Variants in GRAMD1B observed in about 807,000 individuals in gnomAD.
GRAMD1B encodes protein Aster-B.
GRAMD1B carries 37 observed loss-of-function variants against 99.7 expected under a neutral mutation model. The observed-to-expected ratio is 0.37, with a 90% confidence interval of 0.29 to 0.49. The LOEUF (loss-of-function observed/expected upper bound fraction) is 0.49. GRAMD1B is among the 20% of genes least tolerant of loss of function. GRAMD1B has a pLI of 0.98. For synonymous variants in GRAMD1B, 427 were observed against 387.6 expected, an observed-to-expected ratio of 1.10 and a Z score of -1.19; for missense variants, 888 against 1,009.2, an observed-to-expected ratio of 0.88 and a Z score of 1.63.
intron 1 of GRAMD1B, among the ~76,000 whole-genome samples, chr11:123,384,766 C>T (rs1565463846): frequency 6.6e-6 from 1 of 152,174 alleles, no homozygotes; most frequent in Non-Finnish European, 1.5e-5. Context: ...CATCTGTGAC[C>T]TCTTTCTTTG....
At chr11:123,609,150 G>T (rs966030821) in intron 12 of GRAMD1B, among the ~76,000 whole-genome samples, 1 of 152,126 alleles carries the variant, frequency 6.6e-6, no homozygotes, top group Non-Finnish European at 1.5e-5. Flanking sequence ...TGCCATGCAC[G>T]TGACGTTATC....
At chr11:123,618,962 G>A in intron 18 of GRAMD1B, 145 bp from the exon 19 acceptor site, 1 of 685,772 alleles carries the variant, frequency 1.5e-6, no homozygotes, top group Non-Finnish European at 2.6e-6. Flanking sequence ...GCCCACTTCT[G>A]ATCTGGGGCA....
rs780201409 is a variant in GRAMD1B at position 123,595,994 on chromosome 11, G to A, written c.926G>A (p.Arg309His). The A allele has an allele frequency of 1.2e-6, 2 of 1,609,332 alleles. No individual in the cohort carries two copies. The highest frequency in any genetic ancestry group is 8.5e-7 in the Non-Finnish European group (1 of 1,177,556). ...TCCATGACTAAAGAAAAAACAGCTC[G>A]CCTCATTCCCAATGCCATCCAAGTT... ...ICSMTKEKTARLIPNAIQVCT... is the reference protein window; with the variant it reads ...ICSMTKEKTAHLIPNAIQVCT... Residue 309 changes from arginine (R) to histidine (H), a missense_variant, in exon 7 of 20, where the codon CGC becomes CAC. Physicochemically the swap from Arg to His is conservative, Grantham distance 29. This residue lies in a region of GRAMD1B where 62 missense variants were observed against 139.4 expected (regional missense o/e 0.44). Coordinates refer to ENST00000635736, the MANE Select transcript of GRAMD1B (RefSeq NM_001387025.1).
chr11:123,580,186 A>G (rs111844696), intron 3 of GRAMD1B, among the ~76,000 whole-genome samples: 8,241 of 152,262 alleles, frequency 0.054, 336 homozygotes, highest in African/African-American at 0.12. Flanking sequence ...GAGCCATTGC[A>G]TTGGCCTGGG....
chr11:123,598,908 T>G, intron 7 of GRAMD1B: 6 of 1,192,364 alleles, frequency 5.0e-6, no homozygotes, highest in Non-Finnish European at 7.5e-6. Context: ...GTATCTCTTA[T>G]GCTCTGCATT....
intron 2 of GRAMD1B, among the ~76,000 whole-genome samples, chr11:123,499,870 T>C (rs1267822372): frequency 6.6e-6 from 1 of 152,236 alleles, no homozygotes; most frequent in African/African-American, 2.4e-5. Context: ...TGGTTGACTT[T>C]TGAAACTCCA....
At chr11:123,568,066 T>C (rs1328910206) in intron 2 of GRAMD1B, among the ~76,000 whole-genome samples, 1 of 152,170 alleles carries the variant, frequency 6.6e-6, no homozygotes. Context: ...ATGTTTTGGA[T>C]GGGCTGTCCC....
chr11:123,425,378 G>A (rs1948612487), upstream of GRAMD1B, among the ~76,000 whole-genome samples: 1 of 152,174 alleles, frequency 6.6e-6, no homozygotes, highest in African/African-American at 2.4e-5. Context: ...TGCAGCCCTG[G>A]TTTGCACATA....
chr11:123,618,673 T>A lies in GRAMD1B; in HGVS notation c.2319-20T>A, dbSNP rs753833043. ...TGACATCTCACTGCTGATGTTTTTT[T>A]CCCCACGTCTCCTTCCTAGTCTGGT... On this transcript the variant is annotated intron_variant, in intron 17 of 19. Coordinates refer to ENST00000635736, the MANE Select transcript of GRAMD1B (RefSeq NM_001387025.1). 1 of 1,359,508 alleles carries A rather than the reference T, an allele frequency of 7.4e-7. No homozygotes were observed. The highest frequency in any genetic ancestry group is 1.0e-6 in the Non-Finnish European group (1 of 964,204). 84.2% of individuals were successfully genotyped at this position (1,359,508 alleles called of 1,614,324 possible).
At chr11:123,600,330 A>G in intron 7 of GRAMD1B, 138 bp from the exon 8 acceptor site, 1 of 585,332 alleles carries the variant, frequency 1.7e-6, no homozygotes, top group South Asian at 2.1e-5. Flanking sequence ...AAGCGGATGT[A>G]CGTGATCACA....
chr11:123,410,490 G>A (rs1430849092), intron 1 of GRAMD1B, among the ~76,000 whole-genome samples: 3 of 152,032 alleles, frequency 2.0e-5, no homozygotes, highest in African/African-American at 7.2e-5. Flanking sequence ...ATGCTCCATC[G>A]GTGACTCCGA....
chr11:123,392,365 T>C (rs1470771802), intron 1 of GRAMD1B, among the ~76,000 whole-genome samples: 1 of 151,532 alleles, frequency 6.6e-6, no homozygotes, highest in African/African-American at 2.4e-5. Flanking sequence ...TAAGTATTGG[T>C]GTTTGGCAAG....
At chr11:123,412,509 C>G (rs1948086796) in intron 1 of GRAMD1B, among the ~76,000 whole-genome samples, 1 of 152,146 alleles carries the variant, frequency 6.6e-6, no homozygotes, top group South Asian at 2.1e-4. Context: ...GAGTACAGAG[C>G]CAGGATTCAT....
At chr11:123,433,598 A>C (rs966266083) in intron 1 of GRAMD1B, among the ~76,000 whole-genome samples, 2 of 152,074 alleles carry the variant, frequency 1.3e-5, no homozygotes, top group African/African-American at 4.8e-5. Flanking sequence ...AGGCTTTAGT[A>C]GGCTATAATG....
At chr11:123,560,340 G>C in intron 2 of GRAMD1B, 1 of 1,165,474 alleles carries the variant, frequency 8.6e-7, no homozygotes. Flanking sequence ...AGGGACTTCT[G>C]TAAGGCGGCA....
At chr11:123,469,184 A>G (rs535743014) in intron 1 of GRAMD1B, among the ~76,000 whole-genome samples, 8 of 152,154 alleles carry the variant, frequency 5.3e-5, no homozygotes, top group African/African-American at 1.9e-4. Flanking sequence ...TAGAGAGGCA[A>G]TAGCCAGGTT....
rs1955418614 is a variant in GRAMD1B at position 123,625,006 on chromosome 11, T to A, written c.*2411T>A. The A allele has an allele frequency of 6.6e-6, 1 of 152,206 alleles. No homozygotes were observed. 9.4% of individuals were successfully genotyped at this position (152,206 alleles called of 1,614,324 possible). A position where few individuals can be genotyped will look rare whatever the true frequency, so the allele number is the denominator to read the frequency against. ...CAATGTGTGCACATAGGGAATGTCC[T>A]TTAAGAATCATGGATCTCTTGTAGG... On this transcript the variant is annotated 3_prime_UTR_variant, in exon 20 of 20. Coordinates refer to ENST00000635736, the MANE Select transcript of GRAMD1B (RefSeq NM_001387025.1).
intron 2 of GRAMD1B, among the ~76,000 whole-genome samples, chr11:123,521,414 T>A (rs1942188619): frequency 6.6e-6 from 1 of 152,252 alleles, no homozygotes; most frequent in Non-Finnish European, 1.5e-5. Flanking sequence ...TAGGGATTTT[T>A]AATAAATTCT....
At chr11:123,476,220 C>T (rs1202704053) in intron 1 of GRAMD1B, among the ~76,000 whole-genome samples, 1 of 152,068 alleles carries the variant, frequency 6.6e-6, no homozygotes, top group Non-Finnish European at 1.5e-5. Context: ...CCTGCCTCAA[C>T]TTCCCGAGTA....
Sources: allele counts gnomAD v4.1 joint callset (sites outside exome capture counted in the v4.1 genomes callset), GRCh38; gene constraint gnomAD v4.1.1; regional missense constraint gnomAD v4.1.1; transcripts MANE v1.5; gene names NCBI Gene and HGNC (gene_info 2026-07-23, HGNC 2026-07-21).